The following CPSF3 variants were observed in gnomAD, a reference collection of about 807,000 sequenced individuals.
CPSF3 encodes the protein cleavage and polyadenylation specific factor 3, also known as cleavage and polyadenylation specificity factor subunit 3.
Under a neutral mutation model 84.1 loss-of-function variants are expected in CPSF3, and 57 were observed. That is an observed-to-expected ratio of 0.68 (90% CI 0.55 to 0.85). CPSF3 has a LOEUF of 0.85. Ranked by LOEUF, CPSF3 falls within the 40% of genes least tolerant of loss-of-function variation. The pLI, the probability that CPSF3 is intolerant of heterozygous loss-of-function variation, is 0.00. For synonymous variants in CPSF3, 275 were observed against 278.1 expected (o/e 0.99, Z 0.11); for missense variants, 522 against 838.8 (o/e 0.62, Z 4.66).
intron 12 of CPSF3, among the ~76,000 whole-genome samples, chr2:9,455,422 C>A (rs1468719982): frequency 1.3e-5 from 2 of 152,178 alleles, no homozygotes; most frequent in African/African-American, 2.4e-5. Flanking sequence ...GCATGAGCCA[C>A]CGCGCCTGGC....
intron 4 of CPSF3, among the ~76,000 whole-genome samples, chr2:9,432,118 T>C (rs950800182): frequency 6.6e-6 from 1 of 152,234 alleles, no homozygotes; most frequent in African/African-American, 2.4e-5. Context: ...AAATCTTTTC[T>C]CATCCTAATG....
intron 11 of CPSF3, among the ~76,000 whole-genome samples, chr2:9,451,074 A>G (rs1309020967): frequency 3.3e-5 from 5 of 151,542 alleles, no homozygotes; most frequent in Non-Finnish European, 7.4e-5. Flanking sequence ...ATGTGGGGAG[A>G]AAAAAAAAGT....
At chr2:9,437,346 G>A (rs1189089305) in intron 7 of CPSF3, among the ~76,000 whole-genome samples, 1 of 152,132 alleles carries the variant, frequency 6.6e-6, no homozygotes, top group Non-Finnish European at 1.5e-5. Context: ...AGAGGTTGCA[G>A]TGAGCCGAGA....
chr2:9,440,064 T>G (rs566581094), intron 7 of CPSF3, among the ~76,000 whole-genome samples: 1 of 152,342 alleles, frequency 6.6e-6, no homozygotes, highest in East Asian at 1.9e-4. Context: ...AATTCTCTTT[T>G]GTAATTAGCA....
At chr2:9,470,604 T>A (rs1420080594) in intron 16 of CPSF3, among the ~76,000 whole-genome samples, 9 of 152,226 alleles carry the variant, frequency 5.9e-5, no homozygotes, top group Non-Finnish European at 1.0e-4. Context: ...CAGAAGATGC[T>A]CAATAAATAC....
intron 7 of CPSF3, 41 bp from the exon 8 acceptor site, chr2:9,440,450 A>G: frequency 6.4e-7 from 1 of 1,562,500 alleles, no homozygotes; most frequent in Non-Finnish European, 8.8e-7. Flanking sequence ...TGTTTACCCC[A>G]TCTAACAAAG....
intron 11 of CPSF3, among the ~76,000 whole-genome samples, chr2:9,448,562 G>C (rs55885294): frequency 6.9e-6 from 1 of 145,354 alleles, no homozygotes; most frequent in Admixed American, 8.2e-5. Context: ...TAGATTTTTT[G>C]TGTGTGTGTG....
chr2:9,461,980 T>C (rs1462611285), intron 15 of CPSF3, among the ~76,000 whole-genome samples: 3 of 152,104 alleles, frequency 2.0e-5, no homozygotes, highest in Non-Finnish European at 2.9e-5. Context: ...CGGGCTGGTC[T>C]CAAACTCCTG....
rs149304917 is a variant in CPSF3, at chr2:9,455,693, G to A, written c.1539G>A (p.Gln513=). 5.0e-4 allele frequency: 804 copies of A among 1,614,122 alleles called. 2 individuals are homozygous for A. The African/African-American group carries it at 8.0e-3, about 16-fold the overall frequency. ...ACCTGGCCATGAGCACGGTGAAGCA[G>A]ACCCAAGCCATTCCATATACTGGTC... ...YTDLAMSTVK[Q]TQAIPYTGPF... Residue 513 remains glutamine, a synonymous_variant, in exon 13 of 18, where the codon CAG becomes CAA. Coordinates refer to ENST00000238112, the MANE Select transcript of CPSF3 (RefSeq NM_016207.4).
chr2:9,448,094 CTATTTCATATATTAAATA>C lies in CPSF3; in HGVS notation c.1243-90_1243-73del, dbSNP rs542360991. On this transcript the variant is annotated intron_variant, in intron 10 of 17. Coordinates refer to ENST00000238112, the MANE Select transcript of CPSF3 (RefSeq NM_016207.4). ...AGTTTCATAACTTCCAAGTATGTCT[CTATTTCATATATTAAATA>C]TATTTCATATATTTAATTCAACTTA... The C allele has an allele frequency of 1.4e-3, 826 of 607,288 alleles. 5 individuals are homozygous for C. In the African/African-American group the frequency reaches 0.014, roughly 10 times the overall value. 37.6% of individuals were successfully genotyped at this position (607,288 alleles called of 1,614,324 possible).
At chr2:9,468,027 G>A (rs1558467522) in intron 16 of CPSF3, 2 of 373,738 alleles carry the variant, frequency 5.4e-6, no homozygotes, top group African/African-American at 4.1e-5. Flanking sequence ...CTGGCACAGG[G>A]CTGGCACAGT....
rs1002500037 is a variant in CPSF3 at position 9,427,260 on chromosome 2, G to A, written c.51-1505G>A. On this transcript the variant is annotated intron_variant, in intron 1 of 17. Transcript: ENST00000238112. ...TTCTATCTATAGAGGAGAAATAGAAGGAGACAGATGTGGGCAGGTTGGTAC... is the reference window on the plus strand; with the variant it reads ...TTCTATCTATAGAGGAGAAATAGAAAGAGACAGATGTGGGCAGGTTGGTAC... Among the ~76,000 whole-genome samples the A allele has an allele frequency of 5.9e-5, 9 of 152,330 alleles. 1 individual carries two copies. In the East Asian group the frequency reaches 1.5e-3, roughly 26 times the overall value.
At chr2:9,466,372 CCACGCACTCGCACACA>C (rs1681970917) in intron 15 of CPSF3, among the ~76,000 whole-genome samples, 1 of 133,318 alleles carries the variant, frequency 7.5e-6, no homozygotes, top group East Asian at 2.1e-4. Context: ...ACGCACACAC[CCACGCACTCGCACACA>C]CGCGCACACA....
At chr2:9,433,850 C>T (rs773890713) in intron 5 of CPSF3, 21 bp from the exon 6 acceptor site, 17 of 1,543,900 alleles carry the variant, frequency 1.1e-5, no homozygotes, top group Admixed American at 1.8e-5. Context: ...TCCTAACTTT[C>T]TAGTTTTATC....
chr2:9,428,734 T>C, intron 1 of CPSF3, 31 bp from the exon 2 acceptor site: 1 of 1,505,408 alleles, frequency 6.6e-7, no homozygotes, highest in Non-Finnish European at 9.2e-7. Flanking sequence ...TTTTTTTTAA[T>C]CCTTCTTTTT....
chr2:9,436,774 A>AAAAAAAAAAATAAAAAAAAAT (rs139337028), intron 7 of CPSF3, among the ~76,000 whole-genome samples: 73 of 143,022 alleles, frequency 5.1e-4, no homozygotes, highest in Middle Eastern at 3.7e-3. Context: ...CCATCTCAAA[A>AAAAAAAAAAATAAAAAAAAAT]AATAATAATA....
Position 9,466,402 on chromosome 2 carries a change from GCACGCGCACACACGCA to G in CPSF3, c.1787-1289_1787-1274del, listed in dbSNP as rs746072943. Among the ~76,000 whole-genome samples, 729 of 137,922 alleles carry G rather than the reference GCACGCGCACACACGCA, an allele frequency of 5.3e-3. 2 individuals carry two copies. The highest frequency in any genetic ancestry group is 8.8e-3 in the Admixed American group (123 of 14,032). 90.5% of individuals were successfully genotyped at this position (137,922 alleles called of 152,430 possible). A position where few individuals can be genotyped will look rare whatever the true frequency, so the allele number is the denominator to read the frequency against. ...CACTCGCACACACGCGCACACACAC[GCACGCGCACACACGCA>G]CACGCGCACACACGCGCACACACAC... On this transcript the variant is annotated intron_variant, in intron 15 of 17. Coordinates refer to ENST00000238112, the MANE Select transcript of CPSF3 (RefSeq NM_016207.4).
intron 11 of CPSF3, 42 bp from the exon 12 acceptor site, chr2:9,452,871 T>C (rs986689905): frequency 8.1e-6 from 11 of 1,358,150 alleles, no homozygotes; most frequent in Non-Finnish European, 1.1e-5. Flanking sequence ...AAAAACTGCA[T>C]TTTACCAGGT....
intron 16 of CPSF3, among the ~76,000 whole-genome samples, chr2:9,470,938 G>A (rs1042780199): frequency 1.3e-5 from 2 of 152,204 alleles, no homozygotes; most frequent in Admixed American, 1.3e-4. Context: ...TACAGGCTGG[G>A]CATGGTGACT....
Sources: allele counts gnomAD v4.1 joint callset (sites outside exome capture counted in the v4.1 genomes callset), GRCh38; gene constraint gnomAD v4.1.1; transcripts MANE v1.5; gene names NCBI Gene and HGNC (gene_info 2026-07-23, HGNC 2026-07-21).